The following PPP2R5A variants were observed in gnomAD, a reference collection of about 807,000 sequenced individuals.
The protein encoded by PPP2R5A is serine/threonine-protein phosphatase 2A 56 kDa regulatory subunit alpha isoform.
Under a neutral mutation model 64.2 loss-of-function variants are expected in PPP2R5A, and 25 were observed. That is an observed-to-expected ratio of 0.39 (90% CI 0.28 to 0.54). The LOEUF is 0.54. Among genes scored for constraint, PPP2R5A ranks in the 20% least tolerant of loss-of-function variants. The probability of loss-of-function intolerance (pLI) is 0.67; values close to 1 mark genes in which losing one functional copy is unlikely to be tolerated. For synonymous variants in PPP2R5A, 198 were observed against 201.2 expected (o/e 0.98, Z 0.13); for missense variants, 425 against 576.3 (o/e 0.74, Z 2.69).
intron 3 of PPP2R5A, among the ~76,000 whole-genome samples, chr1:212,341,048 T>TA (rs1166350617): frequency 6.6e-5 from 10 of 152,224 alleles, no homozygotes; most frequent in African/African-American, 2.4e-4. Context: ...GTTTAATAGC[T>TA]AATAAGATAC....
intron 8 of PPP2R5A, among the ~76,000 whole-genome samples, chr1:212,354,143 C>G (rs1242694079): frequency 2.6e-5 from 4 of 152,068 alleles, no homozygotes; most frequent in African/African-American, 4.8e-5. Flanking sequence ...GAGATCGTGC[C>G]ACTGCACTCC....
chr1:212,286,983 G>A (rs1272908495), intron 1 of PPP2R5A, among the ~76,000 whole-genome samples: 2 of 152,210 alleles, frequency 1.3e-5, no homozygotes, highest in African/African-American at 2.4e-5. Context: ...CGATACACAT[G>A]GTCTATTTGG....
At chr1:212,305,027 G>C (rs2358449) in intron 1 of PPP2R5A, among the ~76,000 whole-genome samples, 68,974 of 145,986 alleles carry the variant, frequency 0.47, 17,904 homozygotes, top group South Asian at 0.62. Context: ...TGCCACACCC[G>C]GCCCCCAATT....
intron 12 of PPP2R5A, 66 bp from the exon 13 acceptor site, chr1:212,360,572 T>C: frequency 7.3e-7 from 1 of 1,368,828 alleles, no homozygotes. Context: ...CAGTAAGCTG[T>C]CAAACAGCAC....
chr1:212,334,592 TTTCAGTGTTTATC>T (rs1191547462), intron 3 of PPP2R5A, among the ~76,000 whole-genome samples: 1 of 152,228 alleles, frequency 6.6e-6, no homozygotes, highest in Admixed American at 6.5e-5. Flanking sequence ...TGACAAATTC[TTTCAGTGTTTATC>T]TAGGAATGTC....
In PPP2R5A at chr1:212,342,394, TTAA is replaced by T. The variant is rs1439802705; in HGVS notation, c.573+117_573+119del. ...CTTTAATGGTTTAATTTGACAGCACTTAATATTACTGCCAAACCATTAGAATAA... is the reference window on the plus strand; with the variant it reads ...CTTTAATGGTTTAATTTGACAGCACTTATTACTGCCAAACCATTAGAATAA... On this transcript the variant is annotated intron_variant, in intron 4 of 12. Coordinates refer to ENST00000261461, the MANE Select transcript of PPP2R5A (RefSeq NM_006243.4). 5 of 1,307,424 alleles carry T rather than the reference TTAA, an allele frequency of 3.8e-6. No homozygotes were observed. The Admixed American group carries it at 1.2e-4, about 30-fold the overall frequency. The allele number at this position is 1,307,424 out of a possible 1,614,324, so 81.0% of individuals were successfully genotyped here.
chr1:212,292,682 C>T (rs1658622236), intron 1 of PPP2R5A, among the ~76,000 whole-genome samples: 1 of 152,126 alleles, frequency 6.6e-6, no homozygotes, highest in South Asian at 2.1e-4. Context: ...AGGCAATTGT[C>T]CCAAGTAGCT....
chr1:212,319,410 G>A (rs1659218505), intron 1 of PPP2R5A: 1 of 152,194 alleles, frequency 6.6e-6, no homozygotes, highest in East Asian at 1.9e-4. Context: ...GTCACCGTAG[G>A]AATCAGAATG....
chr1:212,334,558 C>T (rs965033987), intron 3 of PPP2R5A, among the ~76,000 whole-genome samples: 3 of 152,146 alleles, frequency 2.0e-5, no homozygotes, highest in Non-Finnish European at 2.9e-5. Flanking sequence ...TCCCAAAGTG[C>T]TGGGATTACA....
At chr1:212,356,162 T>C (rs928259133) in intron 8 of PPP2R5A, among the ~76,000 whole-genome samples, 1 of 151,232 alleles carries the variant, frequency 6.6e-6, no homozygotes, top group Non-Finnish European at 1.5e-5. Context: ...CTGTCCAGGG[T>C]TTTTTTTTGT....
chr1:212,359,879 G>A (rs1409092930), intron 12 of PPP2R5A, among the ~76,000 whole-genome samples: 1 of 152,054 alleles, frequency 6.6e-6, no homozygotes, highest in Admixed American at 6.6e-5. Flanking sequence ...ACTTGTATTT[G>A]AAAAATATGT....
At chr1:212,347,662 CCTGAGTAG>C (rs1428908633) in intron 6 of PPP2R5A, among the ~76,000 whole-genome samples, 1 of 152,010 alleles carries the variant, frequency 6.6e-6, no homozygotes, top group Non-Finnish European at 1.5e-5. Flanking sequence ...GCCTCAGCCT[CCTGAGTAG>C]CTGGGATTAC....
At chr1:212,312,666 C>A (rs1451679084) in intron 1 of PPP2R5A, among the ~76,000 whole-genome samples, 1 of 152,032 alleles carries the variant, frequency 6.6e-6, no homozygotes, top group Non-Finnish European at 1.5e-5. Context: ...GGGAGAATTC[C>A]TTGAAATAAA....
chr1:212,357,407 C>T (rs1659997095), intron 11 of PPP2R5A, 123 bp downstream of exon 11: 2 of 884,870 alleles, frequency 2.3e-6, no homozygotes, highest in Non-Finnish European at 3.2e-6. Flanking sequence ...AGGTTAACAT[C>T]AGTTGTATTC....
In PPP2R5A at chr1:212,329,346, T is replaced by C; in HGVS notation, c.378+15T>C. 6.6e-7 allele frequency: 1 copy of C among 1,508,960 alleles called. No individual in the cohort carries two copies. The highest frequency in any genetic ancestry group is 1.3e-5 in the South Asian group (1 of 75,310). The allele number at this position is 1,508,960 out of a possible 1,614,324, so 93.5% of individuals were successfully genotyped here. A position where few individuals can be genotyped will look rare whatever the true frequency, so the allele number is the denominator to read the frequency against. On this transcript the variant is annotated intron_variant, in intron 2 of 12. Transcript: ENST00000261461. ...TAGTAAAAATGGTAAGCCTCTAGAA[T>C]TATGTTCCTCAGATTTATGTAAATT...
chr1:212,331,430 A>G (rs929833739), intron 2 of PPP2R5A: 1 of 151,718 alleles, frequency 6.6e-6, no homozygotes, highest in Non-Finnish European at 1.5e-5. Flanking sequence ...CGGCCTCCCA[A>G]AGTGCTAGGT....
chr1:212,292,117 G>A (rs1658611416), intron 1 of PPP2R5A, among the ~76,000 whole-genome samples: 1 of 152,164 alleles, frequency 6.6e-6, no homozygotes, highest in Non-Finnish European at 1.5e-5. Context: ...TTCACATTAA[G>A]AAATGTTTTT....
At position 212,357,196 on chromosome 1, in the gene PPP2R5A, ATTC is replaced by A; in HGVS notation, c.1141_1143del (p.Leu381del). On this transcript the variant is annotated inframe_deletion, in exon 11 of 13. Transcript: ENST00000261461. ...ATTGTACTTCTGGAATAACGAATAT[ATTC>A]TTAGTTTGATTGAGGAGAACATTGA... 6.3e-7 allele frequency: 1 copy of A among 1,591,354 alleles called. No individual in the cohort carries two copies. The highest frequency in any genetic ancestry group is 1.2e-5 in the South Asian group (1 of 86,044).
rs566447191 is a variant in PPP2R5A, at chr1:212,311,421, G to T, written c.182-17714G>T. ...GAGGCGGAGGCAGTGAGCCATGATC[G>T]TGCCACTGCACTCCAGCCTGGGCGA... On this transcript the variant is annotated intron_variant, in intron 1 of 12. Coordinates refer to ENST00000261461, the MANE Select transcript of PPP2R5A (RefSeq NM_006243.4). Among the ~76,000 whole-genome samples, 5 of 151,806 alleles carry T rather than the reference G, an allele frequency of 3.3e-5. No homozygotes were observed. The South Asian group carries it at 6.2e-4, about 19-fold the overall frequency.
Sources: gnomAD v4.1 joint callset for allele counts (sites outside exome capture counted in the v4.1 genomes callset) on GRCh38, gnomAD v4.1.1 for gene constraint, MANE v1.5 for transcripts, NCBI Gene and HGNC (gene_info 2026-07-23, HGNC 2026-07-21) for gene names.